The following GAS2 variants were observed in gnomAD, a reference collection of about 807,000 sequenced individuals.
GAS2 encodes growth arrest specific 2.
A neutral mutation model predicts 37.5 loss-of-function variants in GAS2; 20 were observed. The ratio of observed to expected loss-of-function variants is 0.53; its 90% CI spans 0.37 to 0.77. The LOEUF (loss-of-function observed/expected upper bound fraction) is 0.77. Among genes scored for constraint, GAS2 ranks in the 30% least tolerant of loss-of-function variants. The pLI is 0.00. For missense variants in GAS2, 336 were observed against 373.4 expected, an observed-to-expected ratio of 0.90 and a Z score of 0.82; for synonymous variants, 144 against 132.2, an observed-to-expected ratio of 1.09 and a Z score of -0.61.
chr11:22,687,218 T>C (rs374664714), intron 3 of GAS2, among the ~76,000 whole-genome samples: 3 of 152,226 alleles, frequency 2.0e-5, no homozygotes, highest in African/African-American at 7.2e-5. Flanking sequence ...CCCCAGGTAT[T>C]TGGGAAACTG....
chr11:22,691,720 A>C (rs1850254842), intron 3 of GAS2, among the ~76,000 whole-genome samples: 1 of 152,192 alleles, frequency 6.6e-6, no homozygotes, highest in South Asian at 2.1e-4. Context: ...TTGCTGCCTG[A>C]GACTAAAGGA....
intron 1 of GAS2, among the ~76,000 whole-genome samples, chr11:22,652,562 C>A (rs1299441503): frequency 2.0e-5 from 3 of 152,216 alleles, no homozygotes; most frequent in Non-Finnish European, 4.4e-5. Context: ...GCTGTACTAG[C>A]AATCAGCGAG....
chr11:22,687,042 G>A (rs1202585362), intron 3 of GAS2, among the ~76,000 whole-genome samples: 1 of 152,050 alleles, frequency 6.6e-6, no homozygotes, highest in Admixed American at 6.6e-5. Context: ...GCTGAGAGCT[G>A]GGCTGGATGT....
chr11:22,750,197 A>G (rs539857603), intron 6 of GAS2, among the ~76,000 whole-genome samples: 5 of 152,192 alleles, frequency 3.3e-5, no homozygotes, highest in African/African-American at 7.2e-5. Context: ...ACCAACCACA[A>G]TGCCAGCTGT....
At chr11:22,727,846 C>A (rs1030587885) in intron 4 of GAS2, among the ~76,000 whole-genome samples, 4 of 151,738 alleles carry the variant, frequency 2.6e-5, no homozygotes, top group South Asian at 2.1e-4. Flanking sequence ...GGAAACCATG[C>A]GAGTGGAGGA....
At chr11:22,764,599 G>T (rs1854585545) in intron 7 of GAS2, among the ~76,000 whole-genome samples, 1 of 143,234 alleles carries the variant, frequency 7.0e-6, no homozygotes, top group Non-Finnish European at 1.5e-5. Flanking sequence ...AAGCAAGAAA[G>T]ACAATGAAAT....
In GAS2 at chr11:22,686,917, A is replaced by C. The variant is rs533305514; in HGVS notation, c.267+1128A>C. On this transcript the variant is annotated intron_variant, in intron 3 of 7. Coordinates refer to ENST00000454584, the MANE Select transcript of GAS2 (RefSeq NM_001143830.3). ...TCCGTAAAGTATTGTATAATATACA[A>C]AACCTCCCTCTATTTTTTTATTTCT... Among the ~76,000 whole-genome samples the C allele has an allele frequency of 3.3e-5, 5 of 152,258 alleles. No individual in the cohort carries two copies. In the South Asian group the frequency reaches 1.0e-3, roughly 32 times the overall value.
At chr11:22,810,793 C>G (rs1370705603) in intron 7 of GAS2, among the ~76,000 whole-genome samples, 2 of 69,804 alleles carry the variant, frequency 2.9e-5, no homozygotes, top group Non-Finnish European at 6.8e-5. Context: ...CAAGTCATCT[C>G]CCACTGGCTG....
intron 1 of GAS2, among the ~76,000 whole-genome samples, chr11:22,659,826 T>C (rs933053099): frequency 1.7e-5 from 2 of 114,472 alleles, no homozygotes; most frequent in Non-Finnish European, 3.5e-5. Context: ...AAAGCAAGGA[T>C]AGAAGGAAGA....
At chr11:22,773,703 G>A (rs1437135954) in intron 7 of GAS2, among the ~76,000 whole-genome samples, 1 of 152,108 alleles carries the variant, frequency 6.6e-6, no homozygotes, top group African/African-American at 2.4e-5. Context: ...GCTATGAAAT[G>A]TTTTCTCTCT....
chr11:22,646,614 A>G (rs1482156244), intron 1 of GAS2, among the ~76,000 whole-genome samples: 1 of 152,248 alleles, frequency 6.6e-6, no homozygotes, highest in Non-Finnish European at 1.5e-5. Flanking sequence ...CTTTTAAAAC[A>G]AAAATCTATT....
chr11:22,728,641 G>A (rs1368720698), intron 4 of GAS2, among the ~76,000 whole-genome samples: 1 of 151,488 alleles, frequency 6.6e-6, no homozygotes, highest in Non-Finnish European at 1.5e-5. Context: ...AATTAGTTAG[G>A]TTTTCCAGTT....
intron 5 of GAS2, among the ~76,000 whole-genome samples, chr11:22,739,739 C>G (rs1852971210): frequency 6.6e-6 from 1 of 151,598 alleles, no homozygotes; most frequent in East Asian, 1.9e-4. Context: ...AGACAAAAAA[C>G]TTTTTTTTAG....
intron 7 of GAS2, among the ~76,000 whole-genome samples, chr11:22,798,813 G>A (rs138952061): frequency 6.6e-6 from 1 of 152,036 alleles, no homozygotes; most frequent in African/African-American, 2.4e-5. Context: ...TTTCAACATG[G>A]CAAACTATCC....
chr11:22,718,248 G>T (rs1363871146), intron 3 of GAS2, among the ~76,000 whole-genome samples: 1 of 151,874 alleles, frequency 6.6e-6, no homozygotes, highest in South Asian at 2.1e-4. Context: ...AGTAGATAAA[G>T]AAAATGTGTC....
intron 7 of GAS2, among the ~76,000 whole-genome samples, chr11:22,777,670 G>GT (rs2134464169): frequency 6.6e-6 from 1 of 152,268 alleles, no homozygotes; most frequent in East Asian, 1.9e-4. Context: ...AATGAATACA[G>GT]TTAGTTTGAT....
chr11:22,698,022 C>T (rs907816746), intron 3 of GAS2, among the ~76,000 whole-genome samples: 3 of 152,066 alleles, frequency 2.0e-5, no homozygotes, highest in African/African-American at 7.2e-5. Flanking sequence ...TGTCTTGTGC[C>T]AGTTTTCAAA....
chr11:22,662,666 A>G (rs1848927784), upstream of GAS2, among the ~76,000 whole-genome samples: 1 of 152,172 alleles, frequency 6.6e-6, no homozygotes, highest in Non-Finnish European at 1.5e-5. Flanking sequence ...ACTTAAAAAA[A>G]AAACACCTTC....
Position 22,637,564 on chromosome 11 carries a change from T to C in GAS2, c.-21+11751T>C, listed in dbSNP as rs1370056344. Among the ~76,000 whole-genome samples, 175 of 41,530 alleles carry C rather than the reference T, an allele frequency of 4.2e-3. 12 individuals are homozygous for C. The highest frequency in any genetic ancestry group is 0.018 in the African/African-American group (162 of 9,190). The allele number at this position is 41,530 out of a possible 152,430, so 27.2% of individuals were successfully genotyped here. A position where few individuals can be genotyped will look rare whatever the true frequency, so the allele number is the denominator to read the frequency against. ...AATATAATATTAATTATATTAATAG[T>C]ATACTTAATATAATATTAATTATAT... On this transcript the variant is annotated intron_variant, in intron 1 of 5. Transcript: ENST00000528582.
Sources: allele counts gnomAD v4.1 joint callset (sites outside exome capture counted in the v4.1 genomes callset), GRCh38; gene constraint gnomAD v4.1.1; transcripts MANE v1.5; gene names NCBI Gene and HGNC (gene_info 2026-07-23, HGNC 2026-07-21).